The following TTC17 variants were observed in gnomAD, a reference collection of about 807,000 sequenced individuals.
The protein encoded by TTC17 is tetratricopeptide repeat protein 17.
TTC17 carries 58 observed loss-of-function variants against 143.8 expected under a neutral mutation model. That is an observed-to-expected ratio of 0.40 (90% CI 0.33 to 0.50). The LOEUF is 0.50. Among genes scored for constraint, TTC17 ranks in the 20% least tolerant of loss-of-function variants. The pLI, the probability that TTC17 is intolerant of heterozygous loss-of-function variation, is 0.49. For synonymous variants in TTC17, 501 were observed against 497.8 expected (o/e 1.01, Z -0.09); for missense variants, 1,273 against 1,392.5 (o/e 0.91, Z 1.37).
chr11:43,430,709 GCACACACACA>G lies in TTC17; in HGVS notation c.2252-12585_2252-12576del, dbSNP rs10658685. On this transcript the variant is annotated intron_variant, in intron 16 of 23. Transcript: ENST00000039989. ...TGCCCCCAGCATCCCCTACATACAC[GCACACACACA>G]CACACACACACACACACACACACAC... 5.2e-3 allele frequency among the ~76,000 whole-genome samples: 725 copies of G among 138,536 alleles called. 5 individuals are homozygous for G. The highest frequency in any genetic ancestry group is 0.017 in the African/African-American group (619 of 36,616). The allele number at this position is 138,536 out of a possible 152,430, so 90.9% of individuals were successfully genotyped here. A position where few individuals can be genotyped will look rare whatever the true frequency, so the allele number is the denominator to read the frequency against.
intron 20 of TTC17, 65 bp from the exon 21 acceptor site, chr11:43,451,111 CAGCATT>C: frequency 6.8e-7 from 1 of 1,465,534 alleles, no homozygotes; most frequent in South Asian, 1.2e-5. Context: ...GTGCCCAACT[CAGCATT>C]AGCAGTATCA....
chr11:43,491,844 TG>T, intron 22 of TTC17, 175 bp from the exon 23 acceptor site: 1 of 663,538 alleles, frequency 1.5e-6, no homozygotes, highest in South Asian at 2.7e-5. Context: ...ATTTATATTC[TG>T]GTACAAGCAC....
In TTC17 at chr11:43,450,118, G is replaced by A. The variant is rs1168932266; in HGVS notation, c.2823G>A (p.Gln941=). 6 of 1,614,114 alleles carry A rather than the reference G, an allele frequency of 3.7e-6. No individual in the cohort carries two copies. The highest frequency in any genetic ancestry group is 5.1e-6 in the Non-Finnish European group (6 of 1,180,016). Residue 941 remains glutamine, a synonymous_variant, in exon 20 of 24, where the codon CAG becomes CAA. Coordinates refer to ENST00000039989, the MANE Select transcript of TTC17 (RefSeq NM_018259.6). ...ACATAGATTTTGCCACCCCTATACA[G>A]CAGCCAGCAATGGAGCCTCTTTGCA... The part of the protein sequence containing the change: ...TEHIDFATPI[Q]QPAMEPLCNG...
At chr11:43,491,904 G>A in intron 22 of TTC17, 116 bp from the exon 23 acceptor site, 1 of 1,369,550 alleles carries the variant, frequency 7.3e-7, no homozygotes, top group Non-Finnish European at 1.0e-6. Flanking sequence ...ACTTTGAGTG[G>A]CACTGTTCTA....
At chr11:43,489,735 CAAAA>C (rs531476915) in intron 21 of TTC17, 2 of 66,570 alleles carry the variant, frequency 3.0e-5, no homozygotes, top group Non-Finnish European at 2.9e-5. Flanking sequence ...GACTCTGTCT[CAAAA>C]AAAAAAGGAC....
intron 18 of TTC17, among the ~76,000 whole-genome samples, chr11:43,445,702 A>G (rs1947525083): frequency 2.6e-5 from 4 of 152,238 alleles, no homozygotes; most frequent in Admixed American, 2.6e-4. Flanking sequence ...GCTCTAAAGC[A>G]TAGAGGACAG....
At chr11:43,415,186 G>A (rs577833401) in intron 16 of TTC17, among the ~76,000 whole-genome samples, 1 of 152,074 alleles carries the variant, frequency 6.6e-6, no homozygotes, top group Non-Finnish European at 1.5e-5. Context: ...ACAGCTCCTT[G>A]TCTTTCATTG....
intron 16 of TTC17, among the ~76,000 whole-genome samples, chr11:43,441,269 C>CT (rs1370285612): frequency 1.3e-5 from 2 of 149,536 alleles, no homozygotes; most frequent in African/African-American, 5.0e-5. Flanking sequence ...GAACAAGACT[C>CT]TATCTCAAAA....
At chr11:43,436,182 C>G (rs1480392861) in intron 16 of TTC17, 7 of 1,422,134 alleles carry the variant, frequency 4.9e-6, no homozygotes, top group Non-Finnish European at 4.6e-6. Flanking sequence ...CATGAGAAAA[C>G]CCTGGACAAC....
intron 11 of TTC17, among the ~76,000 whole-genome samples, chr11:43,404,481 A>G (rs922776471): frequency 1.3e-5 from 2 of 152,152 alleles, no homozygotes; most frequent in Non-Finnish European, 2.9e-5. Context: ...GCATTCTTTT[A>G]TTGAACTCCC....
intron 16 of TTC17, among the ~76,000 whole-genome samples, chr11:43,440,729 A>G (rs1286495687): frequency 6.6e-6 from 1 of 152,126 alleles, no homozygotes; most frequent in Non-Finnish European, 1.5e-5. Context: ...TATGGCCCTC[A>G]TCCTGTTATT....
intron 16 of TTC17, among the ~76,000 whole-genome samples, chr11:43,442,385 G>A (rs1235961956): frequency 2.0e-5 from 3 of 152,084 alleles, no homozygotes; most frequent in Non-Finnish European, 4.4e-5. Context: ...GAGCTCTCAG[G>A]TTTTCCTGTG....
In TTC17 at chr11:43,403,261, A is replaced by G. The variant is rs115711781; in HGVS notation, c.1333-737A>G. Among the ~76,000 whole-genome samples, 719 of 152,308 alleles carry G rather than the reference A, an allele frequency of 4.7e-3. 7 individuals carry two copies. Among genetic ancestry groups the G allele is most frequent in the African/African-American group, 0.016 (680 of 41,568 alleles). ...GTGTAGCTTCCAATAGTCTATATTC[A>G]TAAAATTGTATCACCACTATATAGT... On this transcript the variant is annotated intron_variant, in intron 10 of 23. Coordinates refer to ENST00000039989, the MANE Select transcript of TTC17 (RefSeq NM_018259.6).
intron 21 of TTC17, among the ~76,000 whole-genome samples, chr11:43,482,011 T>C (rs1272795507): frequency 6.6e-6 from 1 of 152,096 alleles, no homozygotes; most frequent in Non-Finnish European, 1.5e-5. Flanking sequence ...GGTTTCACCA[T>C]GTTGCCCAGG....
At chr11:43,393,471 T>A (rs1186882759) in intron 5 of TTC17, among the ~76,000 whole-genome samples, 1 of 152,134 alleles carries the variant, frequency 6.6e-6, no homozygotes, top group Non-Finnish European at 1.5e-5. Context: ...CCTCCTAGAA[T>A]CTCAATGTGT....
intron 4 of TTC17, 74 bp downstream of exon 4, chr11:43,391,650 A>G: frequency 7.9e-7 from 1 of 1,259,498 alleles, no homozygotes; most frequent in Non-Finnish European, 1.1e-6. Flanking sequence ...ACTTATAAAG[A>G]CCATTTCTCT....
chr11:43,403,926 G>C, intron 10 of TTC17, 72 bp from the exon 11 acceptor site: 1 of 1,321,522 alleles, frequency 7.6e-7, no homozygotes, highest in Non-Finnish European at 1.0e-6. Context: ...CGCTTTTTTG[G>C]TGTGAGTTAA....
chr11:43,386,781 T>TATG (rs1565137970), intron 2 of TTC17, among the ~76,000 whole-genome samples: 1 of 151,868 alleles, frequency 6.6e-6, no homozygotes, highest in Admixed American at 6.6e-5. Flanking sequence ...ATGTATGTAT[T>TATG]TATTTATTTA....
At chr11:43,383,332 C>T (rs1857045735) in intron 2 of TTC17, among the ~76,000 whole-genome samples, 1 of 152,048 alleles carries the variant, frequency 6.6e-6, no homozygotes, top group Admixed American at 6.6e-5. Flanking sequence ...CTGATTCAAA[C>T]CAACTATGTA....
Sources: allele counts gnomAD v4.1 joint callset (sites outside exome capture counted in the v4.1 genomes callset), GRCh38; gene constraint gnomAD v4.1.1; transcripts MANE v1.5; gene names NCBI Gene and HGNC (gene_info 2026-07-23, HGNC 2026-07-21).